Variants in EXOC2 observed in about 807,000 individuals in gnomAD.
EXOC2 encodes the protein SEC5-like 1.
In EXOC2, 70 loss-of-function variants were observed where a neutral mutation model predicts 131.8. The ratio of observed to expected loss-of-function variants is 0.53; its 90% CI spans 0.44 to 0.65. The LOEUF is 0.65. Ranked by LOEUF, EXOC2 falls within the 30% of genes least tolerant of loss-of-function variation. EXOC2 has a pLI of 0.00. For synonymous variants in EXOC2, 411 were observed against 398.4 expected, an observed-to-expected ratio of 1.03 and a Z score of -0.38; for missense variants, 923 against 1,108.6, an observed-to-expected ratio of 0.83 and a Z score of 2.38.
intron 1 of EXOC2, among the ~76,000 whole-genome samples, chr6:638,679 TCC>T (rs1762212115): frequency 6.6e-6 from 1 of 152,204 alleles, no homozygotes; most frequent in Non-Finnish European, 1.5e-5. Flanking sequence ...ATGCCTGTAA[TCC>T]CAGCACTGTC....
chr6:594,969 T>C (rs532441953), intron 10 of EXOC2, among the ~76,000 whole-genome samples: 20 of 152,180 alleles, frequency 1.3e-4, no homozygotes, highest in Admixed American at 9.8e-4. Context: ...GTAAAGAATG[T>C]TAATTATGAT....
intron 21 of EXOC2, among the ~76,000 whole-genome samples, chr6:551,343 TAAG>T (rs1208010717): frequency 1.3e-5 from 2 of 152,090 alleles, no homozygotes; most frequent in African/African-American, 4.8e-5. Context: ...AACAAGACCC[TAAG>T]AAGATCGCAC....
At chr6:676,268 C>T (rs544180065) in intron 1 of EXOC2, among the ~76,000 whole-genome samples, 7 of 113,858 alleles carry the variant, frequency 6.1e-5, no homozygotes, top group African/African-American at 2.0e-4. Context: ...TTCAACATTA[C>T]GGAAAGGACA....
chr6:485,580 G>A lies in EXOC2; in HGVS notation c.*1091C>T, dbSNP rs1278837100. ...AGATGCGACGGTATGAGGGAGTTGG[G>A]TGGGCCGCTGACTCTGAGAGAAGTC... is the stretch of plus-strand genomic sequence containing the variant. On this transcript the variant is annotated 3_prime_UTR_variant, in exon 28 of 28. Coordinates refer to ENST00000230449, the MANE Select transcript of EXOC2 (RefSeq NM_018303.6). The A allele has an allele frequency of 6.6e-6, 1 of 152,230 alleles. No homozygotes were observed. The highest frequency in any genetic ancestry group is 2.4e-5 in the African/African-American group (1 of 41,446). 9.4% of individuals were successfully genotyped at this position (152,230 alleles called of 1,614,324 possible).
intron 27 of EXOC2, 125 bp from the exon 28 acceptor site, chr6:486,889 G>C: frequency 3.1e-6 from 2 of 646,378 alleles, no homozygotes; most frequent in Non-Finnish European, 5.4e-6. Context: ...CAGCTGAAAA[G>C]TTCTACCTAT....
chr6:491,591 T>C (rs955860709), intron 25 of EXOC2, among the ~76,000 whole-genome samples: 2 of 152,270 alleles, frequency 1.3e-5, no homozygotes, highest in Non-Finnish European at 2.9e-5. Flanking sequence ...TGGCTTGGCA[T>C]GCTTCCTGAC....
At chr6:666,534 C>A in intron 1 of EXOC2, among the ~76,000 whole-genome samples, 1 of 96,644 alleles carries the variant, frequency 1.0e-5, no homozygotes, top group South Asian at 3.3e-4. Flanking sequence ...CACTTTACAA[C>A]TTTTTTTTCT....
chr6:674,414 C>G (rs1764015907), intron 1 of EXOC2, among the ~76,000 whole-genome samples: 1 of 152,126 alleles, frequency 6.6e-6, no homozygotes, highest in Non-Finnish European at 1.5e-5. Context: ...TTCATGTACC[C>G]TGTTAAAAAA....
At chr6:626,229 A>C (rs1360678907) in intron 4 of EXOC2, among the ~76,000 whole-genome samples, 1 of 152,214 alleles carries the variant, frequency 6.6e-6, no homozygotes, top group Non-Finnish European at 1.5e-5. Flanking sequence ...CTCTGTGTGC[A>C]AAAACATCAG....
At position 658,665 on chromosome 6, in the gene EXOC2, ATTTT is replaced by A. The variant is rs10657323; in HGVS notation, c.-43-20808_-43-20805del. On this transcript the variant is annotated intron_variant, in intron 1 of 27. Coordinates refer to ENST00000230449, the MANE Select transcript of EXOC2 (RefSeq NM_018303.6). ...ATATTTTATATATATATATATATAT[ATTTT>A]TTTTTTTTTTAGACGAAGTCTTGCT... Among the ~76,000 whole-genome samples, 1,046 of 115,490 alleles carry A rather than the reference ATTTT, an allele frequency of 9.1e-3. 22 individuals are homozygous for A. Among genetic ancestry groups the A allele is most frequent in the African/African-American group, 0.032 (991 of 30,560 alleles). The allele number at this position is 115,490 out of a possible 152,430, so 75.8% of individuals were successfully genotyped here.
chr6:558,775 T>C (rs1485390795), intron 17 of EXOC2, among the ~76,000 whole-genome samples: 1 of 152,030 alleles, frequency 6.6e-6, no homozygotes, highest in East Asian at 1.9e-4. Flanking sequence ...ATCATGCCAC[T>C]GCACTCCAGC....
chr6:528,062 T>A (rs180828817), intron 23 of EXOC2, among the ~76,000 whole-genome samples: 1 of 152,318 alleles, frequency 6.6e-6, no homozygotes, highest in African/African-American at 2.4e-5. Context: ...AACAGCAGTT[T>A]TGTGACTCAG....
At chr6:628,856 C>T (rs1047541086) in intron 4 of EXOC2, among the ~76,000 whole-genome samples, 4 of 152,286 alleles carry the variant, frequency 2.6e-5, no homozygotes, top group South Asian at 2.1e-4. Context: ...TTTGGAGGCA[C>T]TGGAATCCTT....
intron 4 of EXOC2, among the ~76,000 whole-genome samples, chr6:619,888 T>C (rs767843598): frequency 6.6e-6 from 1 of 152,200 alleles, no homozygotes; most frequent in African/African-American, 2.4e-5. Context: ...TCAATCCCCA[T>C]TCAATGTATA....
intron 1 of EXOC2, among the ~76,000 whole-genome samples, chr6:655,083 A>G (rs2127745192): frequency 6.6e-6 from 1 of 152,316 alleles, no homozygotes; most frequent in East Asian, 1.9e-4. Flanking sequence ...TCTACTGTGG[A>G]TAAAATACCC....
At position 549,238 on chromosome 6, in the gene EXOC2, G is replaced by C; in HGVS notation, c.2175C>G (p.Thr725=). 1 of 1,614,194 alleles carries C rather than the reference G, an allele frequency of 6.2e-7. No individual in the cohort carries two copies. The highest frequency in any genetic ancestry group is 8.5e-7 in the Non-Finnish European group (1 of 1,180,026). The change falls in exon 22 of 28, where the codon ACC becomes ACG. Residue 725 remains threonine, a synonymous_variant. Transcript: ENST00000230449. The stretch of plus-strand genomic sequence containing the variant: ...CAAAATGTTCTGCGATATTTAGGAA[G>C]GTGTGACGTTCTAGATAGCAGCAAT... The part of the protein sequence containing the change: ...LSNCCYLERH[T]FLNIAEHFEK...
intron 11 of EXOC2, among the ~76,000 whole-genome samples, chr6:582,857 C>T (rs1304385046): frequency 1.3e-5 from 2 of 151,942 alleles, no homozygotes; most frequent in African/African-American, 4.8e-5. Flanking sequence ...GTTAAGAAGC[C>T]CCTGTTAACT....
At chr6:488,919 G>A (rs1763257082) in intron 27 of EXOC2, 60 bp downstream of exon 27, 7 of 1,508,334 alleles carry the variant, frequency 4.6e-6, no homozygotes, top group Middle Eastern at 1.7e-4. Flanking sequence ...AGGTATTTTA[G>A]GAAACAAAAC....
At chr6:579,336 T>A (rs1042930930) in intron 11 of EXOC2, among the ~76,000 whole-genome samples, 1 of 152,236 alleles carries the variant, frequency 6.6e-6, no homozygotes, top group Non-Finnish European at 1.5e-5. Flanking sequence ...TGTATTACTA[T>A]GCTTTTGTTC....
Sources: gnomAD v4.1 joint callset for allele counts (sites outside exome capture counted in the v4.1 genomes callset) on GRCh38, gnomAD v4.1.1 for gene constraint, MANE v1.5 for transcripts, NCBI Gene and HGNC (gene_info 2026-07-23, HGNC 2026-07-21) for gene names.